CFAP20DC: variants seen among roughly 807,000 people sequenced by gnomAD.
CFAP20DC encodes CFAP20 domain containing, also known as protein CFAP20DC.
A neutral mutation model predicts 101.7 loss-of-function variants in CFAP20DC; 84 were observed. The observed-to-expected ratio is 0.83, with a 90% CI of 0.69 to 0.99. The LOEUF (loss-of-function observed/expected upper bound fraction) is 0.99, where lower values mean the gene tolerates loss of function less well. CFAP20DC is among the 50% of genes least tolerant of loss of function. The probability of loss-of-function intolerance (pLI) is 0.00; values close to 1 mark genes in which losing one functional copy is unlikely to be tolerated. For synonymous variants in CFAP20DC, 359 were observed against 351.2 expected (o/e 1.02, Z -0.25); for missense variants, 1,007 against 970.3 (o/e 1.04, Z -0.50).
intron 11 of CFAP20DC, among the ~76,000 whole-genome samples, chr3:58,865,775 C>A (rs890839090): frequency 7.2e-5 from 11 of 152,276 alleles, no homozygotes; most frequent in African/African-American, 2.2e-4. Context: ...TGCACTTAAA[C>A]AATTTGTATG....
At chr3:58,854,089 T>C (rs971256252) in intron 12 of CFAP20DC, among the ~76,000 whole-genome samples, 26 of 152,166 alleles carry the variant, frequency 1.7e-4, no homozygotes, top group Admixed American at 9.8e-4. Context: ...GAAAACCCCA[T>C]TGTCTCAGCC....
rs965017042 is a variant in CFAP20DC at position 59,049,867 on chromosome 3, T to G, written c.-236A>C. ...CTCCAGCCTCCGCGGTGCCCGGGTC[T>G]GGGGAGGGCGCAGCTGCCTGGACGG... On this transcript the variant is annotated 5_prime_UTR_variant, in exon 1 of 17. Transcript: ENST00000482387. 3.4e-6 allele frequency: 2 copies of G among 588,550 alleles called. No individual in the cohort carries two copies. The highest frequency in any genetic ancestry group is 6.0e-6 in the Non-Finnish European group (2 of 332,804). The allele number at this position is 588,550 out of a possible 1,614,324, so 36.5% of individuals were successfully genotyped here. A position where few individuals can be genotyped will look rare whatever the true frequency, so the allele number is the denominator to read the frequency against.
rs1559859656 is a variant in CFAP20DC, at chr3:58,937,674, G to A, written c.367C>T (p.Pro123Ser). Residue 123 changes from proline to serine, a missense_variant, in exon 5 of 17, where the codon CCA (proline) becomes TCA (serine). By Grantham distance (74) the Pro-to-Ser change is moderately conservative. Coordinates refer to ENST00000482387, the MANE Select transcript of CFAP20DC (RefSeq NM_001394063.1). ...LSSTPLHAKI[P>S]LFMIKRKIWC... The stretch of plus-strand genomic sequence containing the variant: ...ATTTTACGTTTGATCATGAAGAGTG[G>A]AATTTTTGCATGAAGAGGGGTGGAG... 2 of 1,609,466 alleles carry A rather than the reference G, an allele frequency of 1.2e-6. No homozygotes were observed. Among genetic ancestry groups the A allele is most frequent in the Non-Finnish European group, 1.7e-6 (2 of 1,175,878 alleles).
intron 15 of CFAP20DC, among the ~76,000 whole-genome samples, chr3:58,793,942 C>T (rs1030881310): frequency 6.6e-6 from 1 of 152,212 alleles, no homozygotes; most frequent in African/African-American, 2.4e-5. Flanking sequence ...TTTCTTGCAA[C>T]AGATTACAGT....
chr3:58,989,571 A>G (rs1396098557), intron 4 of CFAP20DC, among the ~76,000 whole-genome samples: 1 of 152,162 alleles, frequency 6.6e-6, no homozygotes, highest in East Asian at 1.9e-4. Context: ...AAATTTTGTA[A>G]TATAAGTACA....
At chr3:58,731,790 C>T (rs1379504408) in intron 3 of CFAP20DC, among the ~76,000 whole-genome samples, 6 of 152,178 alleles carry the variant, frequency 3.9e-5, no homozygotes, top group Admixed American at 2.6e-4. Flanking sequence ...GAGCTAACAA[C>T]TAAGCAGGAA....
intron 14 of CFAP20DC, among the ~76,000 whole-genome samples, chr3:58,809,677 G>C (rs2107769912): frequency 6.6e-6 from 1 of 152,266 alleles, no homozygotes; most frequent in South Asian, 2.1e-4. Context: ...ACGAAAGCTA[G>C]CAGAAGGCAA....
At chr3:58,951,872 C>G (rs566859591) in intron 4 of CFAP20DC, among the ~76,000 whole-genome samples, 1 of 152,090 alleles carries the variant, frequency 6.6e-6, no homozygotes, top group East Asian at 1.9e-4. Flanking sequence ...CAAACCTGCA[C>G]GTTGTGCACA....
intron 6 of CFAP20DC, among the ~76,000 whole-genome samples, chr3:58,905,887 C>T (rs1355113665): frequency 6.6e-6 from 1 of 152,134 alleles, no homozygotes; most frequent in African/African-American, 2.4e-5. Context: ...CATTCTTACT[C>T]CATGGCATCT....
intron 15 of CFAP20DC, among the ~76,000 whole-genome samples, chr3:58,801,437 G>C (rs903053190): frequency 6.6e-6 from 1 of 152,078 alleles, no homozygotes; most frequent in Non-Finnish European, 1.5e-5. Context: ...GTTTGAAGGA[G>C]GACTATTTGT....
rs893555847 is a variant in CFAP20DC at position 58,717,817 on chromosome 3, G to A, written c.198-189C>T. Among the ~76,000 whole-genome samples, 6 of 152,150 alleles carry A rather than the reference G, an allele frequency of 3.9e-5. No individual in the cohort carries two copies. Among genetic ancestry groups the A allele is most frequent in the African/African-American group, 1.4e-4 (6 of 41,424 alleles). On this transcript the variant is annotated intron_variant, in intron 3 of 3. Transcript: ENST00000486145. This position sits in a 1 kb window ranked among gnomAD's most constrained non-coding sequence, Gnocchi z 4.1. ...TCATCTCCAGCTGGATGAGACTCTG[G>A]GGAGGGCGTATTCTAACTGGGTATA...
chr3:59,035,960 A>C (rs1408681474), intron 4 of CFAP20DC, among the ~76,000 whole-genome samples: 1 of 151,720 alleles, frequency 6.6e-6, no homozygotes, highest in Non-Finnish European at 1.5e-5. Flanking sequence ...ACCACAATCA[A>C]GTTGGCTTCA....
intron 4 of CFAP20DC, among the ~76,000 whole-genome samples, chr3:58,998,051 G>C (rs1366084609): frequency 6.6e-6 from 1 of 152,170 alleles, no homozygotes; most frequent in Non-Finnish European, 1.5e-5. Context: ...GTGATCAAAA[G>C]CACTAGCCCA....
chr3:58,937,733 C>T lies in CFAP20DC; in HGVS notation c.308G>A (p.Arg103Lys). The change falls in exon 5 of 17, where the codon AGA (arginine) becomes AAA (lysine). Residue 103 changes from arginine to lysine, a missense_variant. Transcript: ENST00000482387. Reference sequence around the variant, plus strand: ...CTTATGGACCGTTGATAAATATAATCTTCTTTTGATGTTCCCTAAATCAGT... The same window carrying T: ...CTTATGGACCGTTGATAAATATAATTTTCTTTTGATGTTCCCTAAATCAGT... The part of the protein sequence containing the change: ...LITDLGNIKR[R>K]LYLSTVHKEL... The T allele has an allele frequency of 6.2e-7, 1 of 1,608,794 alleles. No individual in the cohort carries two copies. Among genetic ancestry groups the T allele is most frequent in the Non-Finnish European group, 8.5e-7 (1 of 1,175,484 alleles).
At chr3:58,903,964 A>C (rs545208775) in intron 6 of CFAP20DC, among the ~76,000 whole-genome samples, 4 of 152,290 alleles carry the variant, frequency 2.6e-5, no homozygotes, top group African/African-American at 9.6e-5. Flanking sequence ...CTTCATTTTC[A>C]AGACTGTTTT....
At chr3:58,854,746 T>C (rs1316161913) in intron 12 of CFAP20DC, among the ~76,000 whole-genome samples, 1 of 151,306 alleles carries the variant, frequency 6.6e-6, no homozygotes, top group African/African-American at 2.4e-5. Flanking sequence ...AAGGATTCTC[T>C]ATTTAATAAA....
chr3:58,830,357 C>A (rs1031178942), intron 14 of CFAP20DC, among the ~76,000 whole-genome samples: 5 of 152,122 alleles, frequency 3.3e-5, no homozygotes, highest in Non-Finnish European at 7.3e-5. Context: ...TGGTCAGGAG[C>A]CCAGACTTAG....
chr3:58,737,156 C>T, downstream of CFAP20DC: 1 of 456,544 alleles, frequency 2.2e-6, no homozygotes, highest in Non-Finnish European at 4.4e-6. The surrounding 1 kb of genome is among the most constrained non-coding windows in gnomAD (Gnocchi z 4.1). Context: ...TTCAGCATAC[C>T]TTGTTTTGGA....
intron 3 of CFAP20DC, among the ~76,000 whole-genome samples, chr3:58,720,433 G>A (rs942257528): frequency 5.3e-5 from 8 of 152,148 alleles, no homozygotes; most frequent in African/African-American, 1.7e-4. Flanking sequence ...TGACTCTGAG[G>A]ACCTTCTTGA....
Sources: gnomAD v4.1 joint callset for allele counts (sites outside exome capture counted in the v4.1 genomes callset) on GRCh38, gnomAD v4.1.1 for gene constraint, Gnocchi (gnomAD v3.1) non-coding constraint, MANE v1.5 for transcripts, NCBI Gene and HGNC (gene_info 2026-07-23, HGNC 2026-07-21) for gene names.